The following TEX9 variants were observed in gnomAD, a reference collection of about 807,000 sequenced individuals.
TEX9 encodes testis-expressed protein 9.
TEX9 carries 74 observed loss-of-function variants against 59.6 expected under a neutral mutation model. That is an observed-to-expected ratio of 1.24 (90% CI 1.03 to 1.51). The LOEUF is 1.51. TEX9 is among the 40% of genes most tolerant of loss of function. TEX9 has a pLI of 0.00. For synonymous variants in TEX9, 186 were observed against 152.2 expected, an observed-to-expected ratio of 1.22 and a Z score of -1.64; for missense variants, 522 against 447.8, an observed-to-expected ratio of 1.17 and a Z score of -1.49.
intron 7 of TEX9, 130 bp downstream of exon 7, chr15:56,391,548 T>G: frequency 1.7e-6 from 1 of 573,064 alleles, no homozygotes. Context: ...AATTATCTAG[T>G]AGGATGTGGT....
chr15:56,372,777 A>G (rs907798347), intron 2 of TEX9, among the ~76,000 whole-genome samples: 1 of 152,338 alleles, frequency 6.6e-6, no homozygotes, highest in South Asian at 2.1e-4. Context: ...ATTTTTTTCA[A>G]TAATATTGTC....
intron 1 of TEX9, among the ~76,000 whole-genome samples, chr15:56,342,351 C>T (rs1167454037): frequency 6.6e-6 from 1 of 152,112 alleles, no homozygotes; most frequent in Non-Finnish European, 1.5e-5. Flanking sequence ...ACATGGCTAC[C>T]TCTACTCAGT....
At chr15:56,364,710 T>C (rs528971011), upstream of TEX9, among the ~76,000 whole-genome samples, 1 of 152,340 alleles carries the variant, frequency 6.6e-6, no homozygotes, top group East Asian at 1.9e-4. Context: ...TATTTTCCCA[T>C]TGAATGGTCT....
intron 1 of TEX9, among the ~76,000 whole-genome samples, chr15:56,246,850 T>G (rs1182303682): frequency 1.3e-5 from 2 of 152,148 alleles, no homozygotes; most frequent in Non-Finnish European, 2.9e-5. Flanking sequence ...ACCTGGGAAT[T>G]CAAACCCTCT....
At chr15:56,459,054 C>T in the TEX9 span, among the ~76,000 whole-genome samples, 128 of 152,260 alleles carry the variant, frequency 8.4e-4, no homozygotes, top group Middle Eastern at 6.8e-3. Flanking sequence ...GTCAACACTC[C>T]AGAATGTTTA....
intron 1 of TEX9, among the ~76,000 whole-genome samples, chr15:56,303,935 A>G (rs2045419096): frequency 6.6e-6 from 1 of 152,218 alleles, no homozygotes; most frequent in South Asian, 2.1e-4. Flanking sequence ...CAACCTACTA[A>G]GATTGAACCA....
At chr15:56,391,515 T>A (rs1373498578) in intron 7 of TEX9, 97 bp downstream of exon 7, 9 of 822,284 alleles carry the variant, frequency 1.1e-5, no homozygotes, top group Non-Finnish European at 1.6e-5. Flanking sequence ...AAAAATGTAT[T>A]GTGATGTCTT....
chr15:56,339,395 A>T (rs1252672867), intron 1 of TEX9, among the ~76,000 whole-genome samples: 1 of 119,894 alleles, frequency 8.3e-6, no homozygotes, highest in African/African-American at 3.2e-5. Context: ...AAAAAAAAAA[A>T]AAAAAAAAAA....
intron 4 of TEX9, among the ~76,000 whole-genome samples, chr15:56,385,431 G>T (rs1460308374): frequency 2.0e-5 from 3 of 152,112 alleles, no homozygotes; most frequent in Non-Finnish European, 4.4e-5. Flanking sequence ...GCTCCTCAAT[G>T]CAAGGATCAG....
intron 10 of TEX9, 29 bp downstream of exon 10, chr15:56,412,465 T>G (rs770858045): frequency 6.3e-7 from 1 of 1,577,382 alleles, no homozygotes; most frequent in Non-Finnish European, 8.6e-7. Context: ...GCTTTTGTAG[T>G]GATCCCTTTT....
chr15:56,371,063 G>A (rs1436753310), intron 2 of TEX9, among the ~76,000 whole-genome samples: 1 of 152,028 alleles, frequency 6.6e-6, no homozygotes, highest in African/African-American at 2.4e-5. Flanking sequence ...CGCTATGTTG[G>A]CCAGGCTGGT....
At chr15:56,429,874 C>G (rs1171755621) in intron 12 of TEX9, 3 of 152,158 alleles carry the variant, frequency 2.0e-5, no homozygotes, top group African/African-American at 7.2e-5. Flanking sequence ...CTGCTGCCTC[C>G]ACAATTATTT....
chr15:56,309,397 A>G (rs2045551849), intron 1 of TEX9, among the ~76,000 whole-genome samples: 1 of 152,150 alleles, frequency 6.6e-6, no homozygotes, highest in Non-Finnish European at 1.5e-5. Context: ...CATTCTTAGA[A>G]TAAATCCCAG....
In TEX9 at chr15:56,427,751, ATTAAAG is replaced by A. The variant is rs2050378307; in HGVS notation, c.1098+18_1098+23del. 6.9e-7 allele frequency: 1 copy of A among 1,440,250 alleles called. No homozygotes were observed. Among genetic ancestry groups the A allele is most frequent in the Non-Finnish European group, 9.2e-7 (1 of 1,086,850 alleles). The allele number at this position is 1,440,250 out of a possible 1,614,324, so 89.2% of individuals were successfully genotyped here. A position where few individuals can be genotyped will look rare whatever the true frequency, so the allele number is the denominator to read the frequency against. On this transcript the variant is annotated intron_variant, in intron 11 of 12. Transcript: ENST00000352903. Reference sequence around the variant, plus strand: ...TAAAAAGGCAAAAGGTGAGTCTATCATTAAAGTTAAATCATCATATTATTTGTAACT... The same window carrying A: ...TAAAAAGGCAAAAGGTGAGTCTATCATTAAATCATCATATTATTTGTAACT...
At chr15:56,445,723 C>T (rs1458006858) in exon 13 of TEX9, 2 of 152,012 alleles carry the variant, frequency 1.3e-5, no homozygotes, top group Non-Finnish European at 2.9e-5. Flanking sequence ...TGCATGACAC[C>T]TAGTCAAGTC....
intron 1 of TEX9, among the ~76,000 whole-genome samples, chr15:56,301,018 C>T (rs539685461): frequency 6.6e-6 from 1 of 152,278 alleles, no homozygotes; most frequent in South Asian, 2.1e-4. Flanking sequence ...AAATAAGGCA[C>T]TTGGTTGACA....
chr15:56,433,996 G>T, intron 12 of TEX9: 2 of 877,658 alleles, frequency 2.3e-6, no homozygotes, highest in Non-Finnish European at 3.2e-6. Context: ...AAGCAAAAAT[G>T]GTCAGAAAAT....
chr15:56,269,173 C>T (rs542201407), intron 1 of TEX9, among the ~76,000 whole-genome samples: 1 of 152,162 alleles, frequency 6.6e-6, no homozygotes, highest in African/African-American at 2.4e-5. Context: ...GGTGATATCC[C>T]CTTTGTCATT....
intron 1 of TEX9, among the ~76,000 whole-genome samples, chr15:56,321,272 G>A (rs2045895457): frequency 6.6e-6 from 1 of 152,136 alleles, no homozygotes; most frequent in African/African-American, 2.4e-5. Context: ...AAACTTAGAT[G>A]TGGCAAACCA....
Sources: gnomAD v4.1 joint callset for allele counts (sites outside exome capture counted in the v4.1 genomes callset) on GRCh38, gnomAD v4.1.1 for gene constraint, MANE v1.5 for transcripts, NCBI Gene and HGNC (gene_info 2026-07-23, HGNC 2026-07-21) for gene names.